The following HMBOX1 variants were observed in gnomAD, a reference collection of about 807,000 sequenced individuals.
The protein encoded by HMBOX1 is homeobox containing 1.
HMBOX1 carries 14 observed loss-of-function variants against 54.5 expected under a neutral mutation model. The observed-to-expected ratio is 0.26, with a 90% CI of 0.17 to 0.40. HMBOX1 has a LOEUF of 0.40. Among genes scored for constraint, HMBOX1 ranks in the 10% least tolerant of loss-of-function variants. HMBOX1 has a pLI of 1.00. For synonymous variants in HMBOX1, 160 were observed against 181.0 expected (o/e 0.88, Z 0.93); for missense variants, 332 against 514.4 (o/e 0.65, Z 3.43).
At chr8:28,903,348 T>C (rs1332609643) in intron 1 of HMBOX1, among the ~76,000 whole-genome samples, 1 of 152,234 alleles carries the variant, frequency 6.6e-6, no homozygotes, top group East Asian at 1.9e-4. Flanking sequence ...CCTTGGTGAG[T>C]AATTTTAGTA....
At chr8:28,896,698 A>G (rs917359132) in intron 1 of HMBOX1, among the ~76,000 whole-genome samples, 1 of 123,896 alleles carries the variant, frequency 8.1e-6, no homozygotes, top group African/African-American at 2.6e-5. Context: ...ACAATGTTTA[A>G]TACAGTAACA....
intron 1 of HMBOX1, among the ~76,000 whole-genome samples, chr8:28,922,571 C>T (rs1585811562): frequency 6.6e-6 from 1 of 152,118 alleles, no homozygotes; most frequent in South Asian, 2.1e-4. Context: ...ACCTGGGTAC[C>T]GTTGAAATCT....
In HMBOX1 at chr8:29,051,360, C is replaced by CCAAT; in HGVS notation, c.*208_*209insTCAA. ...AGTATTAACTCCCAGTAAATAATAA[C>CCAAT]CAACCAACCAACCAAACTTCCCTCT... On this transcript the variant is annotated 3_prime_UTR_variant, in exon 10 of 10. Coordinates refer to ENST00000287701, the MANE Select transcript of HMBOX1 (RefSeq NM_001135726.3). The CCAAT allele has an allele frequency of 1.6e-6, 1 of 635,974 alleles. No homozygotes were observed. Among genetic ancestry groups the CCAAT allele is most frequent in the Non-Finnish European group, 2.8e-6 (1 of 356,952 alleles). The allele number at this position is 635,974 out of a possible 1,614,324, so 39.4% of individuals were successfully genotyped here.
chr8:28,942,084 G>A (rs887275631), intron 1 of HMBOX1, among the ~76,000 whole-genome samples: 3 of 152,210 alleles, frequency 2.0e-5, no homozygotes, highest in African/African-American at 7.2e-5. Flanking sequence ...GTAGCAGTGT[G>A]AGAAATGCTG....
At chr8:28,948,444 T>A (rs1330513088) in intron 1 of HMBOX1, among the ~76,000 whole-genome samples, 2 of 152,144 alleles carry the variant, frequency 1.3e-5, no homozygotes, top group Non-Finnish European at 2.9e-5. Flanking sequence ...ATGTTACAGG[T>A]TTTTTAAAGA....
intron 1 of HMBOX1, among the ~76,000 whole-genome samples, chr8:28,905,003 A>T (rs1410172473): frequency 6.6e-6 from 1 of 152,212 alleles, no homozygotes; most frequent in Non-Finnish European, 1.5e-5. Flanking sequence ...GTTAGTTTAG[A>T]TAGTATAATC....
chr8:28,932,882 A>G (rs1438179140), intron 1 of HMBOX1, among the ~76,000 whole-genome samples: 1 of 152,200 alleles, frequency 6.6e-6, no homozygotes, highest in Admixed American at 6.5e-5. Context: ...GAGATCTGGT[A>G]TTAAATCAGA....
chr8:28,911,321 A>G (rs1221079627), intron 1 of HMBOX1, among the ~76,000 whole-genome samples: 1 of 152,212 alleles, frequency 6.6e-6, no homozygotes, highest in Non-Finnish European at 1.5e-5. Context: ...TAGGACAGCA[A>G]TACTGTTGCT....
intron 6 of HMBOX1, among the ~76,000 whole-genome samples, chr8:29,027,648 CT>C (rs1379607238): frequency 6.6e-6 from 1 of 152,086 alleles, no homozygotes; most frequent in Non-Finnish European, 1.5e-5. Context: ...GAAGCAACAA[CT>C]TGGAAAAAAG....
At chr8:28,918,087 A>C (rs1585777799) in intron 1 of HMBOX1, among the ~76,000 whole-genome samples, 1 of 152,166 alleles carries the variant, frequency 6.6e-6, no homozygotes, top group Non-Finnish European at 1.5e-5. Flanking sequence ...TCTTCATTGA[A>C]TATTTGGTCA....
At chr8:29,049,069 G>A in intron 9 of HMBOX1, 21 bp downstream of exon 9, 1 of 1,609,206 alleles carries the variant, frequency 6.2e-7, no homozygotes, top group East Asian at 2.2e-5. Flanking sequence ...GCGCAGCTGG[G>A]CGAGGTTCTT....
chr8:28,975,030 A>G (rs1828140611), intron 3 of HMBOX1, among the ~76,000 whole-genome samples: 1 of 152,198 alleles, frequency 6.6e-6, no homozygotes, highest in South Asian at 2.1e-4. Flanking sequence ...TTCCTTTCTG[A>G]TTTGGTAAGC....
intron 2 of HMBOX1, among the ~76,000 whole-genome samples, chr8:28,968,460 A>G (rs558925744): frequency 6.6e-6 from 1 of 152,280 alleles, no homozygotes; most frequent in South Asian, 2.1e-4. Flanking sequence ...CCTACTGTTT[A>G]CTCAGATTTT....
intron 1 of HMBOX1, among the ~76,000 whole-genome samples, chr8:28,928,629 T>C (rs1018991779): frequency 6.6e-6 from 1 of 152,282 alleles, no homozygotes; most frequent in African/African-American, 2.4e-5. Context: ...CCCAGATAAA[T>C]AAAGAAAATG....
chr8:29,040,410 T>C (rs1051222941), intron 6 of HMBOX1, among the ~76,000 whole-genome samples: 1 of 152,228 alleles, frequency 6.6e-6, no homozygotes, highest in Non-Finnish European at 1.5e-5. Context: ...AAAAAAGTTT[T>C]AAGAGTTTTG....
chr8:28,985,658 T>A (rs560433467), intron 4 of HMBOX1, among the ~76,000 whole-genome samples: 1 of 152,192 alleles, frequency 6.6e-6, no homozygotes, highest in Non-Finnish European at 1.5e-5. Flanking sequence ...TTTTAACTTA[T>A]CTTTAAAATG....
At chr8:28,902,601 C>G (rs1393650267) in intron 1 of HMBOX1, among the ~76,000 whole-genome samples, 1 of 152,140 alleles carries the variant, frequency 6.6e-6, no homozygotes, top group East Asian at 1.9e-4. Flanking sequence ...TGTGTGGTCT[C>G]TTCAGTATGG....
chr8:29,033,478 G>A (rs1037625034), intron 6 of HMBOX1, among the ~76,000 whole-genome samples: 1 of 152,126 alleles, frequency 6.6e-6, no homozygotes, highest in African/African-American at 2.4e-5. Context: ...TTATTGACAG[G>A]TAAAGTTATC....
In HMBOX1 at chr8:29,018,788, C is replaced by G; in HGVS notation, c.726C>G (p.Pro242=). ...CTACACTAAGTATGAGACCAGCCCCCATTCCAATAGAGGACCCTGAATGGA... is the reference window on the plus strand; with the variant it reads ...CTACACTAAGTATGAGACCAGCCCCGATTCCAATAGAGGACCCTGAATGGA... ...PGATLSMRPA[P]IPIEDPEWRQ... is the part of the protein sequence containing the mutation. Residue 242 remains proline, a synonymous_variant, in exon 6 of 10, where the codon CCC becomes CCG. Transcript: ENST00000287701. The G allele has an allele frequency of 1.2e-6, 2 of 1,614,180 alleles. No individual in the cohort carries two copies. Among genetic ancestry groups the G allele is most frequent in the East Asian group, 4.5e-5 (2 of 44,888 alleles).
Sources: gnomAD v4.1 joint callset for allele counts (sites outside exome capture counted in the v4.1 genomes callset) on GRCh38, gnomAD v4.1.1 for gene constraint, MANE v1.5 for transcripts, NCBI Gene and HGNC (gene_info 2026-07-23, HGNC 2026-07-21) for gene names.